Variants in CPAP observed in about 807,000 individuals in gnomAD.
The protein encoded by CPAP is centrosomal P4.1-associated protein.
At chr13:24,883,264 T>G in the CPAP span, 10 of 1,614,132 alleles carry the variant, frequency 6.2e-6, no homozygotes, top group Non-Finnish European at 4.2e-6. Context: ...GATGACCGTT[T>G]GCATATACGG....
chr13:24,911,853 A>G, the CPAP span: 1 of 1,496,078 alleles, frequency 6.7e-7, no homozygotes, highest in Non-Finnish European at 9.3e-7. Context: ...TGGAGTTCAC[A>G]ACACATGATA....
At chr13:24,906,413 A>G in the CPAP span, 1 of 1,612,876 alleles carries the variant, frequency 6.2e-7, no homozygotes, top group Non-Finnish European at 8.5e-7. Context: ...GGTCTCCCTT[A>G]TGGGGCTCTT....
chr13:24,914,918 TA>T, the CPAP span, among the ~76,000 whole-genome samples: 3 of 151,678 alleles, frequency 2.0e-5, no homozygotes, highest in African/African-American at 7.3e-5. Context: ...AATAAAAATA[TA>T]AAAAAATTAG....
At chr13:24,905,391 A>G in the CPAP span, 3 of 1,614,148 alleles carry the variant, frequency 1.9e-6, no homozygotes, top group Non-Finnish European at 2.5e-6. Flanking sequence ...TCATTTCCCA[A>G]GTGTGAATCT....
the CPAP span, chr13:24,912,638 C>G: frequency 6.2e-7 from 1 of 1,613,714 alleles, no homozygotes; most frequent in African/African-American, 1.3e-5. Flanking sequence ...AATTCACTCG[C>G]AAGATCTGGG....
chr13:24,893,728 A>C, the CPAP span, among the ~76,000 whole-genome samples: 1 of 152,270 alleles, frequency 6.6e-6, no homozygotes, highest in Non-Finnish European at 1.5e-5. Context: ...AATTTCTGGT[A>C]AGCACTTTTA....
At chr13:24,885,521 G>T in the CPAP span, 2 of 1,228,202 alleles carry the variant, frequency 1.6e-6, no homozygotes, top group South Asian at 1.2e-5. Context: ...TTTTACACGT[G>T]GTTTAGAAAC....
the CPAP span, among the ~76,000 whole-genome samples, chr13:24,911,105 A>G: frequency 6.6e-6 from 1 of 152,228 alleles, no homozygotes; most frequent in African/African-American, 2.4e-5. Context: ...GACACAATCT[A>G]TAATAATTTT....
At chr13:24,925,309 G>A in the CPAP span, among the ~76,000 whole-genome samples, 1 of 152,178 alleles carries the variant, frequency 6.6e-6, no homozygotes, top group Admixed American at 6.5e-5. Flanking sequence ...GTTGATCTGA[G>A]TGACAAAGAG....
the CPAP span, among the ~76,000 whole-genome samples, chr13:24,903,521 G>A: frequency 1.1e-4 from 17 of 152,330 alleles, no homozygotes; most frequent in Admixed American, 1.0e-3. Flanking sequence ...GAGCCAGCAT[G>A]GCCCGCCTTG....
the CPAP span, among the ~76,000 whole-genome samples, chr13:24,908,435 C>CAAAAAAAAAAAAAAAAAAA: frequency 1.2e-5 from 1 of 80,878 alleles, no homozygotes; most frequent in African/African-American, 6.1e-5. Context: ...CCCGTCTCTA[C>CAAAAAAAAAAAAAAAAAAA]AAAAAAAAAA....
At chr13:24,915,703 A>G in the CPAP span, among the ~76,000 whole-genome samples, 1 of 151,968 alleles carries the variant, frequency 6.6e-6, no homozygotes, top group Admixed American at 6.6e-5. Flanking sequence ...TACTCAGGAG[A>G]CAGGAGAATT....
the CPAP span, chr13:24,899,314 GGATT>G: frequency 4.9e-6 from 4 of 815,804 alleles, no homozygotes; most frequent in Admixed American, 2.1e-5. Flanking sequence ...AATGAATAAT[GGATT>G]GATACACAGT....
the CPAP span, chr13:24,906,428 G>A: frequency 4.3e-6 from 7 of 1,613,668 alleles, no homozygotes; most frequent in Non-Finnish European, 5.1e-6. Flanking sequence ...GCTCTTAGCA[G>A]CCAGCCGGCT....
chr13:24,914,481 T>A, the CPAP span, among the ~76,000 whole-genome samples: 2 of 152,174 alleles, frequency 1.3e-5, no homozygotes, highest in African/African-American at 4.8e-5. Context: ...TAACAGTCCA[T>A]CATCAGCAAA....
the CPAP span, among the ~76,000 whole-genome samples, chr13:24,903,114 T>C: frequency 6.6e-6 from 1 of 152,158 alleles, no homozygotes; most frequent in African/African-American, 2.4e-5. Flanking sequence ...CATATATAAA[T>C]AGCCTCATGT....
the CPAP span, chr13:24,889,357 G>T: frequency 6.2e-7 from 1 of 1,612,186 alleles, no homozygotes; most frequent in Non-Finnish European, 8.5e-7. Context: ...TTCTACCTGG[G>T]TTCCTGAAGA....
chr13:24,906,581 C>A, the CPAP span: 1 of 1,614,214 alleles, frequency 6.2e-7, no homozygotes, highest in Non-Finnish European at 8.5e-7. Flanking sequence ...GATCTGGTCT[C>A]TAAACTGCCC....
At chr13:24,928,480 G>GCCACC in the CPAP span, among the ~76,000 whole-genome samples, 9 of 152,062 alleles carry the variant, frequency 5.9e-5, no homozygotes, top group Admixed American at 1.3e-4. Flanking sequence ...GCCCAGGCTG[G>GCCACC]TGTCCAGTGG....
Sources: gnomAD v4.1 joint callset for allele counts (sites outside exome capture counted in the v4.1 genomes callset) on GRCh38, gnomAD v4.1.1 for gene constraint, MANE v1.5 for transcripts, NCBI Gene and HGNC (gene_info 2026-07-23, HGNC 2026-07-21) for gene names.